ADCY7: variants seen among roughly 807,000 people sequenced by gnomAD.
ADCY7 encodes adenylate cyclase type 7.
A neutral mutation model predicts 120.6 loss-of-function variants in ADCY7; 72 were observed. The ratio of observed to expected loss-of-function variants is 0.60; its 90% CI spans 0.49 to 0.73. The LOEUF is 0.73. Ranked by LOEUF, ADCY7 falls within the 30% of genes least tolerant of loss-of-function variation. The pLI is 0.00. For synonymous variants in ADCY7, 661 were observed against 628.0 expected, an observed-to-expected ratio of 1.05 and a Z score of -0.78; for missense variants, 1,227 against 1,486.0, an observed-to-expected ratio of 0.83 and a Z score of 2.87.
At chr16:50,249,438 C>T (rs1454708658) in intron 1 of ADCY7, among the ~76,000 whole-genome samples, 1 of 133,952 alleles carries the variant, frequency 7.5e-6, no homozygotes, top group East Asian at 2.5e-4. Flanking sequence ...GAGCAAGACT[C>T]CGTCTAAAAC....
In ADCY7 at chr16:50,308,419, G is replaced by C. The variant is rs777346099; in HGVS notation, c.1935+8G>C. 11 of 1,614,006 alleles carry C rather than the reference G, an allele frequency of 6.8e-6. No individual in the cohort carries two copies. The South Asian group carries it at 1.1e-4, about 16-fold the overall frequency. ...TTTGCCACCAAGTTCTCGGTAAGTG[G>C]GGAGCTCTGGCCCCGCGGGCCCTCC... On this transcript the variant is annotated splice_region_variant and intron_variant, in intron 16 of 25. Transcript: ENST00000673801.
chr16:50,282,442 G>T (rs1292396458), intron 1 of ADCY7, among the ~76,000 whole-genome samples: 1 of 152,184 alleles, frequency 6.6e-6, no homozygotes, highest in East Asian at 1.9e-4. Flanking sequence ...TGCCTTAGTT[G>T]CAGGGAAGGG....
intron 1 of ADCY7, among the ~76,000 whole-genome samples, chr16:50,267,450 C>T (rs2033288533): frequency 1.3e-5 from 2 of 152,312 alleles, no homozygotes; most frequent in Middle Eastern, 3.4e-3. Flanking sequence ...AAGCCAAGGG[C>T]CTGGAGGTAG....
intron 1 of ADCY7, among the ~76,000 whole-genome samples, chr16:50,280,757 C>G (rs2034208573): frequency 6.6e-6 from 1 of 152,214 alleles, no homozygotes; most frequent in Non-Finnish European, 1.5e-5. Context: ...ACCCCCAGCC[C>G]AGTCCCAACT....
rs1461565117 is a variant in ADCY7 at position 50,317,837 on chromosome 16, G to A, written c.*2332G>A. 2.6e-5 allele frequency: 4 copies of A among 152,256 alleles called. No homozygotes were observed. The highest frequency in any genetic ancestry group is 9.7e-5 in the African/African-American group (4 of 41,396). The allele number at this position is 152,256 out of a possible 1,614,324, so 9.4% of individuals were successfully genotyped here. On this transcript the variant is annotated 3_prime_UTR_variant, in exon 26 of 26. Transcript: ENST00000673801. The stretch of plus-strand genomic sequence containing the variant: ...CAAGGACTTCCTTACAATTTCTCCT[G>A]AGTTAACTTTTGTGAAAATAATACC...
Position 50,291,910 on chromosome 16 carries a change from C to T in ADCY7, c.537+13C>T, listed in dbSNP as rs2035001078. 4 of 1,596,700 alleles carry T rather than the reference C, an allele frequency of 2.5e-6. No homozygotes were observed. The highest frequency in any genetic ancestry group is 3.4e-6 in the Non-Finnish European group (4 of 1,170,752). ...GGTGGGGCTGCAGGTGAGGGATGGG[C>T]TAAGGCCTCTGGGGGAGGTTTTGTG... On this transcript the variant is annotated intron_variant, in intron 4 of 25. Coordinates refer to ENST00000673801, the MANE Select transcript of ADCY7 (RefSeq NM_001114.5).
At chr16:50,278,677 C>A (rs970127645) in intron 1 of ADCY7, among the ~76,000 whole-genome samples, 1 of 152,162 alleles carries the variant, frequency 6.6e-6, no homozygotes, top group East Asian at 1.9e-4. Context: ...TAGTTTCTTG[C>A]TCTCTTTGGA....
rs199909358 is a variant in ADCY7, at chr16:50,317,715, C to CTTG, written c.*2213_*2215dup. On this transcript the variant is annotated 3_prime_UTR_variant, in exon 26 of 26. Coordinates refer to ENST00000673801, the MANE Select transcript of ADCY7 (RefSeq NM_001114.5). ...CCTGCAGGTATTTTCTTTTTATGAA[C>CTTG]TTGTTTTTAAATTACCAAGTAATTA... The CTTG allele has an allele frequency of 5.4e-3, 828 of 152,372 alleles. 9 individuals are homozygous for CTTG. The highest frequency in any genetic ancestry group is 0.019 in the African/African-American group (784 of 41,528). The allele number at this position is 152,372 out of a possible 1,614,324, so 9.4% of individuals were successfully genotyped here. A position where few individuals can be genotyped will look rare whatever the true frequency, so the allele number is the denominator to read the frequency against.
intron 1 of ADCY7, among the ~76,000 whole-genome samples, chr16:50,282,567 C>G (rs2150911533): frequency 1.3e-5 from 2 of 152,198 alleles, no homozygotes; most frequent in South Asian, 4.1e-4. Flanking sequence ...CGATGGGGTC[C>G]CCTGAGCTCC....
chr16:50,291,956 G>A (rs375726060), intron 4 of ADCY7, 59 bp downstream of exon 4: 24 of 1,516,022 alleles, frequency 1.6e-5, no homozygotes, highest in African/African-American at 1.5e-4. Context: ...AAGGGCAGAT[G>A]GGGGGGCCCC....
At chr16:50,307,214 C>T in intron 15 of ADCY7, 67 bp downstream of exon 15, 1 of 1,471,300 alleles carries the variant, frequency 6.8e-7, no homozygotes, top group Non-Finnish European at 9.3e-7. Context: ...GACTATGAAC[C>T]TGCAAGGAGC....
In ADCY7 at chr16:50,313,688, G is replaced by GT. The variant is rs2036614914; in HGVS notation, c.2752-269dup. On this transcript the variant is annotated intron_variant, in intron 22 of 25. Transcript: ENST00000673801. ...GGAGACAAAGAATCTACATTCCTGT[G>GT]TAGATAATGCTGTGTTTGCTCTGTG... 9.5e-6 allele frequency: 4 copies of GT among 418,852 alleles called. 1 individual carries two copies. The South Asian group carries it at 2.4e-4, about 26-fold the overall frequency. The allele number at this position is 418,852 out of a possible 1,614,324, so 25.9% of individuals were successfully genotyped here.
intron 4 of ADCY7, among the ~76,000 whole-genome samples, chr16:50,292,183 TC>T (rs1225076671): frequency 2.4e-4 from 36 of 152,124 alleles, no homozygotes; most frequent in Admixed American, 2.4e-3. Flanking sequence ...GTGGGGTGAG[TC>T]CCATTGCCGA....
intron 12 of ADCY7, among the ~76,000 whole-genome samples, chr16:50,305,248 C>T (rs1018614218): frequency 1.3e-5 from 2 of 152,208 alleles, no homozygotes; most frequent in Non-Finnish European, 1.5e-5. Context: ...ATGCCAATCC[C>T]GGGGGTGTAG....
chr16:50,310,824 G>A lies in ADCY7; in HGVS notation c.2298G>A (p.Gln766=), dbSNP rs770838328. Residue 766 remains glutamine (Q), a synonymous_variant, in exon 19 of 26, where the codon CAG becomes CAA. Transcript: ENST00000673801. ...LVLFNLSPCW[Q]WDCCGQGLGN... ...TCTTCAACCTCTCCCCATGCTGGCA[G>A]TGGGACTGCTGCGGCCAAGGCCTGG... 5 of 1,613,848 alleles carry A rather than the reference G, an allele frequency of 3.1e-6. No individual in the cohort carries two copies. In the South Asian group the frequency reaches 4.4e-5, roughly 14 times the overall value.
chr16:50,316,703 T>TA lies in ADCY7; in HGVS notation c.*1199dup, dbSNP rs761432920. 6.6e-6 allele frequency: 1 copy of TA among 152,352 alleles called. No homozygotes were observed. The highest frequency in any genetic ancestry group is 1.5e-5 in the Non-Finnish European group (1 of 68,048). The allele number at this position is 152,352 out of a possible 1,614,324, so 9.4% of individuals were successfully genotyped here. A position where few individuals can be genotyped will look rare whatever the true frequency, so the allele number is the denominator to read the frequency against. On this transcript the variant is annotated 3_prime_UTR_variant, in exon 26 of 26. Transcript: ENST00000673801. The stretch of plus-strand genomic sequence containing the variant: ...AAAGCCAGGTTTTGGGGATGTGTCT[T>TA]ACTGTGCTTCAACTTCCCAAGGAAT...
At position 50,317,669 on chromosome 16, in the gene ADCY7, T is replaced by C. The variant is rs1222353690; in HGVS notation, c.*2164T>C. The C allele has an allele frequency of 1.3e-5, 2 of 152,344 alleles. No individual in the cohort carries two copies. The highest frequency in any genetic ancestry group is 2.4e-5 in the African/African-American group (1 of 41,450). The allele number at this position is 152,344 out of a possible 1,614,324, so 9.4% of individuals were successfully genotyped here. ...AGTTTTCAGTGTTCAGGTTATAGAATATAACTGACCATAAAAATTACCTGC... is the reference window on the plus strand; with the variant it reads ...AGTTTTCAGTGTTCAGGTTATAGAACATAACTGACCATAAAAATTACCTGC... On this transcript the variant is annotated 3_prime_UTR_variant, in exon 26 of 26. Coordinates refer to ENST00000673801, the MANE Select transcript of ADCY7 (RefSeq NM_001114.5).
At chr16:50,249,013 G>A (rs1466524718) in intron 1 of ADCY7, among the ~76,000 whole-genome samples, 1 of 152,186 alleles carries the variant, frequency 6.6e-6, no homozygotes, top group Non-Finnish European at 1.5e-5. Context: ...ACTGCAGACT[G>A]TGTGTGGCCC....
At position 50,294,630 on chromosome 16, in the gene ADCY7, C is replaced by T. The variant is rs374350305; in HGVS notation, c.837-10C>T. On this transcript the variant is annotated splice_polypyrimidine_tract_variant and intron_variant, in intron 6 of 25. Transcript: ENST00000673801. ...CTCTGACACTCCCTCCCACCCTGCC[C>T]CATCCCCAGCATCCTCTATGCGGAC... The T allele has an allele frequency of 1.3e-6, 2 of 1,541,426 alleles. No homozygotes were observed. Among genetic ancestry groups the T allele is most frequent in the Non-Finnish European group, 1.8e-6 (2 of 1,119,872 alleles).
Sources: allele counts gnomAD v4.1 joint callset (sites outside exome capture counted in the v4.1 genomes callset), GRCh38; gene constraint gnomAD v4.1.1; transcripts MANE v1.5; gene names NCBI Gene and HGNC (gene_info 2026-07-23, HGNC 2026-07-21).